PCDH7: variants seen among roughly 807,000 people sequenced by gnomAD.
PCDH7 encodes protocadherin 7, also known as protocadherin-7.
PCDH7 carries 17 observed loss-of-function variants against 58.9 expected under a neutral mutation model. The observed-to-expected ratio is 0.29, with a 90% CI of 0.20 to 0.43. The LOEUF is 0.43. PCDH7 is among the 20% of genes least tolerant of loss of function. The pLI, the probability that PCDH7 is intolerant of heterozygous loss-of-function variation, is 1.00. For missense variants in PCDH7, 1,274 were observed against 1,441.0 expected, an observed-to-expected ratio of 0.88 and a Z score of 1.88; for synonymous variants, 664 against 616.4, an observed-to-expected ratio of 1.08 and a Z score of -1.14.
chr4:31,076,216 C>T (rs925504143), intron 3 of PCDH7, among the ~76,000 whole-genome samples: 3 of 152,136 alleles, frequency 2.0e-5, no homozygotes, highest in African/African-American at 4.8e-5. Context: ...CTCTGGCGTA[C>T]TCATCAAGTT....
At chr4:30,985,106 G>A (rs767514736) in intron 3 of PCDH7, among the ~76,000 whole-genome samples, 6 of 152,032 alleles carry the variant, frequency 3.9e-5, no homozygotes, top group African/African-American at 1.5e-4. Flanking sequence ...ACAGGTGCCT[G>A]CCACCACACC....
chr4:30,886,360 A>G (rs1437290408), intron 1 of PCDH7, among the ~76,000 whole-genome samples: 1 of 150,528 alleles, frequency 6.6e-6, no homozygotes, highest in Non-Finnish European at 1.5e-5. Flanking sequence ...CAGCCAAAAA[A>G]CACATGAAAA....
At chr4:31,059,462 C>T (rs534418834) in intron 3 of PCDH7, among the ~76,000 whole-genome samples, 1 of 151,996 alleles carries the variant, frequency 6.6e-6, no homozygotes, top group Admixed American at 6.6e-5. Flanking sequence ...ATTCAGATTA[C>T]TCAGTCATAT....
intron 3 of PCDH7, among the ~76,000 whole-genome samples, chr4:31,131,075 G>A (rs75929203): frequency 0.024 from 3,602 of 152,198 alleles, 129 homozygotes; most frequent in African/African-American, 0.079. Context: ...GAGTGAATGC[G>A]CAGAGCAGCT....
rs185363766 is a variant in PCDH7 at position 30,875,423 on chromosome 4, G to A, written c.71-44730G>A. ...GTTAAGACTTTCACGTATGGATTTT[G>A]GGGAGACACAATTCAATCCATAACA... is the stretch of plus-strand genomic sequence containing the variant. On this transcript the variant is annotated intron_variant, in intron 1 of 3. Transcript: ENST00000509759. Among the ~76,000 whole-genome samples the A allele has an allele frequency of 2.0e-3, 300 of 152,096 alleles. 6 individuals are homozygous for A. The highest frequency in any genetic ancestry group is 0.017 in the Admixed American group (262 of 15,226).
chr4:30,855,514 C>T (rs1733342183), intron 1 of PCDH7, among the ~76,000 whole-genome samples: 1 of 152,114 alleles, frequency 6.6e-6, no homozygotes, highest in African/African-American at 2.4e-5. Flanking sequence ...GGACGTTATC[C>T]TTAATCACCA....
intron 3 of PCDH7, among the ~76,000 whole-genome samples, chr4:31,044,645 G>C (rs1261059880): frequency 1.3e-5 from 2 of 151,938 alleles, no homozygotes; most frequent in Non-Finnish European, 2.9e-5. Flanking sequence ...TTGTGCACTA[G>C]AGTTATTCTA....
intron 1 of PCDH7, among the ~76,000 whole-genome samples, chr4:30,779,650 T>C (rs1229376478): frequency 1.3e-5 from 2 of 152,214 alleles, no homozygotes; most frequent in African/African-American, 4.8e-5. Context: ...CTGTTTGTAA[T>C]TTCTAATTTT....
chr4:30,867,879 T>C (rs758551519), intron 1 of PCDH7, among the ~76,000 whole-genome samples: 2 of 152,042 alleles, frequency 1.3e-5, no homozygotes, highest in Non-Finnish European at 2.9e-5. Context: ...AGTTCTGGAT[T>C]AGGATGCAGT....
At chr4:30,949,311 C>A (rs1393210789) in intron 2 of PCDH7, among the ~76,000 whole-genome samples, 1 of 151,940 alleles carries the variant, frequency 6.6e-6, no homozygotes, top group East Asian at 1.9e-4. Context: ...TTAAATATTT[C>A]TTTTAAAATA....
At chr4:31,100,618 C>T (rs1386316718) in intron 3 of PCDH7, among the ~76,000 whole-genome samples, 1 of 152,118 alleles carries the variant, frequency 6.6e-6, no homozygotes, top group Non-Finnish European at 1.5e-5. Flanking sequence ...CTAGAGAAAA[C>T]TAACTTGTAC....
intron 3 of PCDH7, among the ~76,000 whole-genome samples, chr4:30,975,883 A>C (rs766202934): frequency 2.0e-5 from 3 of 152,220 alleles, no homozygotes; most frequent in Non-Finnish European, 4.4e-5. Context: ...CTCTAACCAC[A>C]ACCCTTAACA....
At chr4:31,023,162 A>C (rs1486690886) in intron 3 of PCDH7, among the ~76,000 whole-genome samples, 1 of 152,200 alleles carries the variant, frequency 6.6e-6, no homozygotes, top group Non-Finnish European at 1.5e-5. Flanking sequence ...GTTTAAAAGC[A>C]GAGCATTTAA....
chr4:31,142,774 T>C (rs1176196980), exon 4 of PCDH7: 1 of 1,367,292 alleles, frequency 7.3e-7, no homozygotes, highest in Admixed American at 1.9e-5. Flanking sequence ...ACCCTGAGGA[T>C]ATTCCCCTTA....
At chr4:30,743,907 A>G (rs1352030532) in intron 1 of PCDH7, among the ~76,000 whole-genome samples, 1 of 152,174 alleles carries the variant, frequency 6.6e-6, no homozygotes, top group East Asian at 1.9e-4. Context: ...ATCTCACTAG[A>G]TTTCAAGTTG....
At chr4:30,891,736 G>T (rs186709977) in intron 1 of PCDH7, among the ~76,000 whole-genome samples, 2 of 150,756 alleles carry the variant, frequency 1.3e-5, no homozygotes, top group African/African-American at 4.9e-5. Context: ...ATTACATGTT[G>T]CAACTAACTG....
At chr4:30,992,791 TTC>T (rs1452253534) in intron 3 of PCDH7, among the ~76,000 whole-genome samples, 1 of 143,316 alleles carries the variant, frequency 7.0e-6, no homozygotes, top group African/African-American at 2.7e-5. Flanking sequence ...TACTGTCCCA[TTC>T]TTTTTTTTTT....
intron 1 of PCDH7, among the ~76,000 whole-genome samples, chr4:30,832,434 T>A (rs187501854): frequency 3.3e-5 from 5 of 152,290 alleles, no homozygotes; most frequent in Non-Finnish European, 5.9e-5. Context: ...TAATGTGATA[T>A]TATATTAACT....
At position 30,726,840 on chromosome 4, in the gene PCDH7, G is replaced by A. The variant is rs141445230; in HGVS notation, c.3174+2244G>A. Among the ~76,000 whole-genome samples the A allele has an allele frequency of 1.9e-3, 295 of 152,034 alleles. 2 individuals are homozygous for A. The highest frequency in any genetic ancestry group is 6.4e-3 in the African/African-American group (264 of 41,548). On this transcript the variant is annotated intron_variant, in intron 1 of 1. Coordinates refer to ENST00000361762, the Ensembl canonical transcript of PCDH7. Reference sequence around the variant, plus strand: ...TATGTTTCATCTCCTCAATATTGCTGTCAGGGGACAAGGGATCCATTTACA... The same window carrying A: ...TATGTTTCATCTCCTCAATATTGCTATCAGGGGACAAGGGATCCATTTACA...
Sources: allele counts gnomAD v4.1 joint callset (sites outside exome capture counted in the v4.1 genomes callset), GRCh38; gene constraint gnomAD v4.1.1; transcripts MANE v1.5; gene names NCBI Gene and HGNC (gene_info 2026-07-23, HGNC 2026-07-21).